PTPN14: variants seen among roughly 807,000 people sequenced by gnomAD.
The protein encoded by PTPN14 is tyrosine-protein phosphatase non-receptor type 14.
In PTPN14, 53 loss-of-function variants were observed where a neutral mutation model predicts 126.8. That is an observed-to-expected ratio of 0.42 (90% confidence interval 0.34 to 0.53). The LOEUF is 0.53. Ranked by LOEUF, PTPN14 falls within the 20% of genes least tolerant of loss-of-function variation. The pLI is 0.08. For missense variants in PTPN14, 1,257 were observed against 1,552.9 expected (o/e 0.81, Z 3.20); for synonymous variants, 630 against 599.3 (o/e 1.05, Z -0.75).
At chr1:214,525,685 C>T (rs989999059) in intron 1 of PTPN14, among the ~76,000 whole-genome samples, 3 of 152,134 alleles carry the variant, frequency 2.0e-5, no homozygotes, top group Admixed American at 1.3e-4. Context: ...GCTTAGGAAT[C>T]ATATTCTACT....
chr1:214,471,285 G>A (rs1397429260), intron 1 of PTPN14, among the ~76,000 whole-genome samples: 1 of 152,040 alleles, frequency 6.6e-6, no homozygotes, highest in Non-Finnish European at 1.5e-5. Context: ...TGAGCTGAGG[G>A]GTTCTAAGAA....
At chr1:214,440,693 T>G (rs1248662394) in intron 3 of PTPN14, among the ~76,000 whole-genome samples, 4 of 152,212 alleles carry the variant, frequency 2.6e-5, no homozygotes, top group African/African-American at 9.7e-5. Context: ...TGAAGAGATA[T>G]GGGCTGACCC....
At chr1:214,465,979 C>T (rs1264348781) in intron 1 of PTPN14, among the ~76,000 whole-genome samples, 3 of 3,186 alleles carry the variant, frequency 9.4e-4, no homozygotes, top group African/African-American at 2.9e-3. Flanking sequence ...TTTGTGAAGA[C>T]GGAGTCTCAC....
At chr1:214,410,050 TA>T (rs1388355792) in intron 5 of PTPN14, among the ~76,000 whole-genome samples, 1 of 152,184 alleles carries the variant, frequency 6.6e-6, no homozygotes, top group Non-Finnish European at 1.5e-5. Context: ...TTGAGCCCCT[TA>T]TCTGATGTAT....
chr1:214,511,655 G>A (rs1003923972), intron 1 of PTPN14, among the ~76,000 whole-genome samples: 1 of 152,162 alleles, frequency 6.6e-6, no homozygotes, highest in African/African-American at 2.4e-5. Flanking sequence ...TAGGATCTAT[G>A]GATTCTCTTT....
chr1:214,481,931 G>A (rs940587069), intron 1 of PTPN14, among the ~76,000 whole-genome samples: 7 of 151,048 alleles, frequency 4.6e-5, no homozygotes, highest in South Asian at 2.1e-4. Context: ...AGCTTGCAGC[G>A]AGCCCAGATC....
intron 1 of PTPN14, among the ~76,000 whole-genome samples, chr1:214,469,568 A>G (rs1660708563): frequency 6.6e-6 from 1 of 152,196 alleles, no homozygotes; most frequent in South Asian, 2.1e-4. Context: ...ATGCTCATAG[A>G]AAGGTCACAG....
chr1:214,436,216 G>T (rs967052505), intron 3 of PTPN14, among the ~76,000 whole-genome samples: 5 of 152,098 alleles, frequency 3.3e-5, no homozygotes, highest in Non-Finnish European at 7.3e-5. Flanking sequence ...GCACAAAGAA[G>T]GGAATAACAA....
intron 1 of PTPN14, among the ~76,000 whole-genome samples, chr1:214,488,194 T>G (rs1483329563): frequency 2.0e-5 from 3 of 152,220 alleles, no homozygotes; most frequent in Admixed American, 2.0e-4. Flanking sequence ...ATCTTCTACT[T>G]GTACTTATGG....
chr1:214,410,442 G>T (rs1172212740), intron 5 of PTPN14, among the ~76,000 whole-genome samples: 2 of 151,962 alleles, frequency 1.3e-5, no homozygotes, highest in Non-Finnish European at 2.9e-5. Context: ...AGAGGTGTGT[G>T]CCACCAAGCC....
chr1:214,526,438 A>G (rs1655399488), intron 1 of PTPN14, among the ~76,000 whole-genome samples: 1 of 152,212 alleles, frequency 6.6e-6, no homozygotes, highest in African/African-American at 2.4e-5. Context: ...TGCCATTTGA[A>G]TATATTCAAT....
intron 18 of PTPN14, among the ~76,000 whole-genome samples, chr1:214,359,209 C>CT (rs941007216): frequency 1.3e-5 from 2 of 150,914 alleles, no homozygotes; most frequent in Non-Finnish European, 3.0e-5. Flanking sequence ...ACTGAGAACA[C>CT]TTTTTTTCTT....
intron 13 of PTPN14, among the ~76,000 whole-genome samples, chr1:214,380,147 T>A (rs567009671): frequency 6.6e-6 from 1 of 152,336 alleles, no homozygotes; most frequent in Middle Eastern, 3.4e-3. Context: ...TCTTTCTTTT[T>A]TTTTATTTCT....
At chr1:214,402,437 CAA>C (rs1165595746) in intron 6 of PTPN14, among the ~76,000 whole-genome samples, 6 of 48,142 alleles carry the variant, frequency 1.2e-4, no homozygotes, top group Non-Finnish European at 2.3e-4. Flanking sequence ...GAGACTCTGT[CAA>C]AAAAAAAAAA....
chr1:214,527,885 T>C (rs1459353728), intron 1 of PTPN14, among the ~76,000 whole-genome samples: 1 of 152,208 alleles, frequency 6.6e-6, no homozygotes, highest in Non-Finnish European at 1.5e-5. Context: ...TAAGCATCAG[T>C]AAGATACACA....
intron 1 of PTPN14, among the ~76,000 whole-genome samples, chr1:214,523,349 C>A (rs1655307265): frequency 6.6e-6 from 1 of 152,148 alleles, no homozygotes; most frequent in Admixed American, 6.5e-5. Flanking sequence ...TAATGACGGA[C>A]CACATACACG....
At chr1:214,411,254 G>A (rs1186845891) in intron 5 of PTPN14, among the ~76,000 whole-genome samples, 1 of 151,832 alleles carries the variant, frequency 6.6e-6, no homozygotes, top group Non-Finnish European at 1.5e-5. Flanking sequence ...ACATAGTACT[G>A]GAAGTCCTAG....
intron 1 of PTPN14, among the ~76,000 whole-genome samples, chr1:214,520,189 G>C (rs998362074): frequency 6.6e-6 from 1 of 151,462 alleles, no homozygotes; most frequent in Admixed American, 6.6e-5. Context: ...ATGACTTACT[G>C]ACCCCAGAGC....
intron 1 of PTPN14, among the ~76,000 whole-genome samples, chr1:214,486,993 A>T (rs1449256409): frequency 6.7e-6 from 1 of 149,692 alleles, no homozygotes; most frequent in Admixed American, 6.7e-5. Context: ...CAAAGCATCT[A>T]TTTTTTTTTT....
Sources: gnomAD v4.1 joint callset for allele counts (sites outside exome capture counted in the v4.1 genomes callset) on GRCh38, gnomAD v4.1.1 for gene constraint, MANE v1.5 for transcripts, NCBI Gene and HGNC (gene_info 2026-07-23, HGNC 2026-07-21) for gene names.